SLC2A14: variants seen among roughly 807,000 people sequenced by gnomAD.
SLC2A14 encodes the protein solute carrier family 2 member 14, also known as solute carrier family 2, facilitated glucose transporter member 14.
A neutral mutation model predicts 43.0 loss-of-function variants in SLC2A14; 13 were observed. The ratio of observed to expected loss-of-function variants is 0.30; its 90% CI spans 0.20 to 0.48. The LOEUF is 0.48. Among genes scored for constraint, SLC2A14 ranks in the 20% least tolerant of loss-of-function variants. The pLI is 0.99. For missense variants in SLC2A14, 428 were observed against 620.4 expected (o/e 0.69, Z 3.29); for synonymous variants, 190 against 233.8 (o/e 0.81, Z 1.71).
intron 1 of SLC2A14, among the ~76,000 whole-genome samples, chr12:7,882,892 A>T (rs1044002351): frequency 3.4e-4 from 14 of 40,678 alleles, no homozygotes; most frequent in Admixed American, 1.5e-3. Flanking sequence ...TTCAAGTTTA[A>T]AAAAAAAAAA....
At chr12:7,874,841 GTATTTATATATAAATTATATATAAATACA>G (rs1945405537), upstream of SLC2A14, among the ~76,000 whole-genome samples, 1 of 68,644 alleles carries the variant, frequency 1.5e-5, no homozygotes, top group African/African-American at 5.5e-5. Flanking sequence ...ATATAAATAC[GTATTTATATATAAATTATATATAAATACA>G]TATATAAATA....
At chr12:7,871,864 C>A in intron 1 of SLC2A14, 1 of 982,230 alleles carries the variant, frequency 1.0e-6, no homozygotes, top group Non-Finnish European at 1.2e-6. Context: ...GACACCAGCG[C>A]ACACCCACCC....
intron 5 of SLC2A14, 138 bp downstream of exon 5, chr12:7,829,628 C>A (rs911156257): frequency 1.6e-6 from 2 of 1,270,514 alleles, no homozygotes; most frequent in South Asian, 3.2e-5. Flanking sequence ...CAACCTGCTT[C>A]TTCAGCTACT....
At chr12:7,875,908 G>A (rs1413368562), upstream of SLC2A14, among the ~76,000 whole-genome samples, 2 of 151,928 alleles carry the variant, frequency 1.3e-5, no homozygotes, top group African/African-American at 2.4e-5. Flanking sequence ...CCCAGGAGGT[G>A]GAGGTTGCAG....
intron 7 of SLC2A14, among the ~76,000 whole-genome samples, chr12:7,823,482 G>A (rs1194851864): frequency 6.6e-6 from 1 of 152,196 alleles, no homozygotes; most frequent in Non-Finnish European, 1.5e-5. Flanking sequence ...CAGCAATTTG[G>A]GAGGCCAAGG....
intron 2 of SLC2A14, among the ~76,000 whole-genome samples, chr12:7,841,386 A>G (rs1237367072): frequency 1.3e-5 from 2 of 151,958 alleles, no homozygotes; most frequent in Admixed American, 6.6e-5. Context: ...TCAGCCTCCC[A>G]AGCAGCTGGG....
intron 8 of SLC2A14, among the ~76,000 whole-genome samples, chr12:7,820,687 A>G (rs1262779891): frequency 6.6e-6 from 1 of 151,434 alleles, no homozygotes; most frequent in Admixed American, 6.6e-5. Context: ...AGTTCAAAAC[A>G]TACTGTATAG....
chr12:7,848,285 C>T (rs1345359043), intron 2 of SLC2A14, among the ~76,000 whole-genome samples: 1 of 152,138 alleles, frequency 6.6e-6, no homozygotes, highest in Non-Finnish European at 1.5e-5. Context: ...CCTAGGACAA[C>T]CAAAAGCCAG....
At chr12:7,875,609 G>A (rs1049128151), upstream of SLC2A14, among the ~76,000 whole-genome samples, 1 of 152,026 alleles carries the variant, frequency 6.6e-6, no homozygotes, top group Non-Finnish European at 1.5e-5. Flanking sequence ...TGGTATTAGG[G>A]TATAGAGCCT....
chr12:7,879,869 T>C (rs1042290525), intron 1 of SLC2A14, among the ~76,000 whole-genome samples: 1 of 149,914 alleles, frequency 6.7e-6, no homozygotes, highest in Non-Finnish European at 1.5e-5. Context: ...AGCCAGACAT[T>C]GTGGTTCCTG....
At chr12:7,871,347 T>A in intron 1 of SLC2A14, 1 of 792,418 alleles carries the variant, frequency 1.3e-6, no homozygotes, top group Non-Finnish European at 1.6e-6. Flanking sequence ...TGCATCCTCA[T>A]ACATGGCGCC....
At chr12:7,882,554 C>T (rs1022361948) in intron 1 of SLC2A14, among the ~76,000 whole-genome samples, 12 of 152,064 alleles carry the variant, frequency 7.9e-5, no homozygotes, top group East Asian at 5.8e-4. Flanking sequence ...TTGAGGCTAG[C>T]GTCGGCAGTG....
chr12:7,842,746 G>A (rs1009955856), intron 2 of SLC2A14, among the ~76,000 whole-genome samples: 2 of 96,518 alleles, frequency 2.1e-5, no homozygotes, highest in Non-Finnish European at 4.3e-5. Flanking sequence ...TGTTTTTTTT[G>A]TGATGGAGTT....
chr12:7,826,868 T>C (rs1385360628), intron 7 of SLC2A14, among the ~76,000 whole-genome samples: 14,097 of 47,982 alleles, frequency 0.29, 2,658 homozygotes, highest in Middle Eastern at 0.37. Context: ...CTTTTTTCTT[T>C]CTTTCTTTCT....
intron 2 of SLC2A14, among the ~76,000 whole-genome samples, chr12:7,848,054 A>G (rs902516189): frequency 2.0e-5 from 3 of 152,068 alleles, no homozygotes; most frequent in African/African-American, 7.2e-5. Context: ...GACAAACCCA[A>G]TTTGCAGGAT....
intron 2 of SLC2A14, among the ~76,000 whole-genome samples, chr12:7,861,209 G>C (rs1020792177): frequency 2.2e-4 from 34 of 152,242 alleles, no homozygotes; most frequent in Admixed American, 6.5e-5. Flanking sequence ...AAAGGCACCA[G>C]AGCAACATTG....
rs969271200 is a variant in SLC2A14, at chr12:7,865,396, G to T, written c.18+4467C>A. 3.9e-5 allele frequency among the ~76,000 whole-genome samples: 6 copies of T among 152,006 alleles called. 1 individual carries two copies. The highest frequency in any genetic ancestry group is 8.8e-5 in the Non-Finnish European group (6 of 67,984). On this transcript the variant is annotated intron_variant, in intron 2 of 10. Coordinates refer to ENST00000431042, the MANE Select transcript of SLC2A14 (RefSeq NM_001286234.2). ...ACTAAAAACACAAAATATTCGCCGG[G>T]CGTGGTGGCACATGCCTGTAGTCCC...
chr12:7,877,469 G>A (rs765922353), upstream of SLC2A14, among the ~76,000 whole-genome samples: 38 of 151,350 alleles, frequency 2.5e-4, 1 homozygote, highest in Admixed American at 9.2e-4. Context: ...CTTGTTGCCC[G>A]GGCTAGAATG....
At chr12:7,877,005 CTTT>C (rs57906469), upstream of SLC2A14, among the ~76,000 whole-genome samples, 12 of 132,916 alleles carry the variant, frequency 9.0e-5, no homozygotes, top group Admixed American at 7.7e-5. Flanking sequence ...AATTTTTTTT[CTTT>C]TTTTTTTTTT....
Sources: allele counts gnomAD v4.1 joint callset (sites outside exome capture counted in the v4.1 genomes callset), GRCh38; gene constraint gnomAD v4.1.1; transcripts MANE v1.5; gene names NCBI Gene and HGNC (gene_info 2026-07-23, HGNC 2026-07-21).